Variants in P2RX5 observed in about 807,000 individuals in gnomAD.
P2RX5 encodes P2X purinoceptor 5.
A neutral mutation model predicts 54.1 loss-of-function variants in P2RX5; 46 were observed. The observed-to-expected ratio is 0.85, with a 90% CI of 0.67 to 1.09. The LOEUF is 1.09. Ranked by LOEUF, P2RX5 falls within the 50% of genes least tolerant of loss-of-function variation. The pLI is 0.00. For synonymous variants in P2RX5, 226 were observed against 226.4 expected, an observed-to-expected ratio of 1.00 and a Z score of 0.02; for missense variants, 566 against 549.8, an observed-to-expected ratio of 1.03 and a Z score of -0.29.
the P2RX5 span, chr17:3,717,093 G>A: frequency 3.3e-6 from 1 of 298,820 alleles, no homozygotes; most frequent in Non-Finnish European, 6.4e-6. Flanking sequence ...GCTTGAAAGA[G>A]GGTCCCACGG....
intron 1 of P2RX5, 64 bp downstream of exon 1, chr17:3,695,805 G>T (rs913804885): frequency 3.1e-6 from 5 of 1,591,374 alleles, no homozygotes; most frequent in Non-Finnish European, 4.3e-6. Context: ...CCTGGAGAAG[G>T]ACGCGGCGGC....
At chr17:3,699,863 AAG>A (rs1457464004), upstream of P2RX5, among the ~76,000 whole-genome samples, 3,177 of 57,318 alleles carry the variant, frequency 0.055, 267 homozygotes, top group Non-Finnish European at 0.079. Context: ...AAAAGAAAGA[AAG>A]AAAGAAAGAA....
At chr17:3,694,160 G>C (rs536942000) in intron 1 of P2RX5, among the ~76,000 whole-genome samples, 30 of 149,962 alleles carry the variant, frequency 2.0e-4, no homozygotes, top group Non-Finnish European at 7.4e-5. Flanking sequence ...GCCACAGAGA[G>C]GAATGGAGGG....
At chr17:3,723,666 C>G in the P2RX5 span, 1 of 1,570,880 alleles carries the variant, frequency 6.4e-7, no homozygotes, top group Non-Finnish European at 8.6e-7. Context: ...CTCCCCTGGC[C>G]TCTCGGGACG....
the P2RX5 span, chr17:3,714,810 G>T: frequency 1.6e-6 from 2 of 1,229,186 alleles, no homozygotes; most frequent in Non-Finnish European, 2.4e-6. Context: ...CCAAGTCCCA[G>T]GACTGGCTGA....
the P2RX5 span, among the ~76,000 whole-genome samples, chr17:3,715,927 C>T: frequency 7.3e-5 from 11 of 151,404 alleles, no homozygotes; most frequent in Admixed American, 1.3e-4. Flanking sequence ...GAGGCCGAGG[C>T]GGGAGGATCA....
At chr17:3,690,363 C>T in intron 5 of P2RX5, 64 bp downstream of exon 5, 4 of 1,348,926 alleles carry the variant, frequency 3.0e-6, no homozygotes, top group Non-Finnish European at 4.2e-6. Flanking sequence ...ACTCCACCCT[C>T]AGGCTGGGAC....
chr17:3,693,400 G>T (rs2050671903), intron 1 of P2RX5, among the ~76,000 whole-genome samples: 1 of 152,196 alleles, frequency 6.6e-6, no homozygotes, highest in Non-Finnish European at 1.5e-5. Flanking sequence ...TCCTCAAAAG[G>T]TTAAGGATCG....
At chr17:3,699,874 A>AAGGAAGGAAGGAAGG (rs2050803983), upstream of P2RX5, among the ~76,000 whole-genome samples, 1 of 42,714 alleles carries the variant, frequency 2.3e-5, no homozygotes, top group African/African-American at 6.4e-5. Context: ...AGAAAGAAAG[A>AAGGAAGGAAGGAAGG]AAGGAAGGAA....
At chr17:3,682,734 G>C (rs2050318833) in intron 9 of P2RX5, 1 of 153,452 alleles carries the variant, frequency 6.5e-6, no homozygotes, top group Non-Finnish European at 1.5e-5. Context: ...GTCAAAGAAA[G>C]ATGATGGGTG....
chr17:3,690,293 T>A lies in P2RX5; in HGVS notation c.533+134A>T, dbSNP rs574723690. ...TAATTTGCTCATGCTGGGGAGGCCG[T>A]CGGGCCTCGCTGGGACAGCCTGACT... On this transcript the variant is annotated intron_variant, in intron 5 of 11. Transcript: ENST00000225328. The A allele has an allele frequency of 1.6e-4, 179 of 1,129,264 alleles. 1 individual carries two copies. The East Asian group carries it at 3.8e-3, about 24-fold the overall frequency. The allele number at this position is 1,129,264 out of a possible 1,614,324, so 70.0% of individuals were successfully genotyped here.
At chr17:3,715,235 C>G in the P2RX5 span, among the ~76,000 whole-genome samples, 1 of 152,148 alleles carries the variant, frequency 6.6e-6, no homozygotes, top group African/African-American at 2.4e-5. Context: ...TGTACTGGAT[C>G]TAATCTTATT....
chr17:3,695,476 C>T (rs2050731323), intron 1 of P2RX5, among the ~76,000 whole-genome samples: 1 of 152,178 alleles, frequency 6.6e-6, no homozygotes, highest in Admixed American at 6.5e-5. Context: ...CCTGGGTCAG[C>T]TGCCAGGCCA....
Position 3,688,016 on chromosome 17 carries a change from C to T in P2RX5, c.977G>A (p.Gly326Asp), listed in dbSNP as rs753861923. The T allele has an allele frequency of 2.6e-6, 4 of 1,547,276 alleles. No individual in the cohort carries two copies. Among genetic ancestry groups the T allele is most frequent in the Non-Finnish European group, 1.8e-6 (2 of 1,134,122 alleles). ...YGIRFDVMVN[G>D]KGAFFCDLVL... The stretch of plus-strand genomic sequence containing the variant: ...AACAGGAGAAGGCACACGCACCTTG[C>T]CGTTCACCATCACGTCAAAGCGGAT... Residue 326 changes from glycine to aspartate, a missense_variant, in exon 9 of 12, where the codon GGC (glycine) becomes GAC (aspartate). Coordinates refer to ENST00000225328, the MANE Select transcript of P2RX5 (RefSeq NM_002561.4).
the P2RX5 span, among the ~76,000 whole-genome samples, chr17:3,708,529 A>G: frequency 6.6e-6 from 1 of 152,204 alleles, no homozygotes; most frequent in Non-Finnish European, 1.5e-5. Flanking sequence ...TAAAACTGAA[A>G]CTATAATTAT....
At chr17:3,717,109 G>A in the P2RX5 span, 7 of 290,418 alleles carry the variant, frequency 2.4e-5, no homozygotes, top group African/African-American at 8.8e-5. Flanking sequence ...CACGGAATCC[G>A]GTCTCAACAC....
At position 3,679,671 on chromosome 17, in the gene P2RX5, T is replaced by A. The variant is rs148956611; in HGVS notation, c.1178A>T (p.Gln393Leu). ...LLGMPEQQEL[Q>L]EPPEAKRGSS... Reference sequence around the variant, plus strand: ...TCCACGCTTCGCCTCGGGTGGCTCCTGCAGCTCCTGCTGCTCCGGCATCCC... The same window carrying A: ...TCCACGCTTCGCCTCGGGTGGCTCCAGCAGCTCCTGCTGCTCCGGCATCCC... The change falls in exon 11 of 12, where the codon CAG becomes CTG. Residue 393 changes from glutamine to leucine, a missense_variant. Physicochemically the swap from Gln to Leu is moderately radical, Grantham distance 113. Transcript: ENST00000225328. 16 of 1,611,416 alleles carry A rather than the reference T, an allele frequency of 9.9e-6. No individual in the cohort carries two copies. The highest frequency in any genetic ancestry group is 1.3e-5 in the African/African-American group (1 of 74,882).
At chr17:3,721,260 C>CTTTTTT in the P2RX5 span, among the ~76,000 whole-genome samples, 4 of 46,200 alleles carry the variant, frequency 8.7e-5, no homozygotes, top group Non-Finnish European at 1.4e-4. Flanking sequence ...GAGATTTTTC[C>CTTTTTT]TTTTTTTTTT....
the P2RX5 span, chr17:3,715,006 G>T: frequency 1.1e-6 from 1 of 919,610 alleles, no homozygotes; most frequent in Non-Finnish European, 1.7e-6. Context: ...CAGAAAACCG[G>T]CATTCTGGCT....
Sources: allele counts gnomAD v4.1 joint callset (sites outside exome capture counted in the v4.1 genomes callset), GRCh38; gene constraint gnomAD v4.1.1; transcripts MANE v1.5; gene names NCBI Gene and HGNC (gene_info 2026-07-23, HGNC 2026-07-21).